ROCK2: variants seen among roughly 807,000 people sequenced by gnomAD.
The protein encoded by ROCK2 is rho-associated protein kinase 2.
A neutral mutation model predicts 195.1 loss-of-function variants in ROCK2; 61 were observed. The ratio of observed to expected loss-of-function variants is 0.31; its 90% confidence interval spans 0.25 to 0.39. The LOEUF is 0.39. ROCK2 is among the 10% of genes least tolerant of loss of function. The probability of loss-of-function intolerance (pLI) is 1.00; values close to 1 mark genes in which losing one functional copy is unlikely to be tolerated. For missense variants in ROCK2, 1,109 were observed against 1,637.4 expected, an observed-to-expected ratio of 0.68 and a Z score of 5.57; for synonymous variants, 504 against 545.5, an observed-to-expected ratio of 0.92 and a Z score of 1.06.
intron 17 of ROCK2, among the ~76,000 whole-genome samples, chr2:11,213,344 G>T (rs1377653119): frequency 1.3e-5 from 2 of 152,056 alleles, no homozygotes; most frequent in African/African-American, 4.8e-5. Flanking sequence ...TCTTAATAGA[G>T]TATTCGCTAT....
At chr2:11,211,951 G>A in intron 17 of ROCK2, 111 bp from the exon 18 acceptor site, 2 of 777,326 alleles carry the variant, frequency 2.6e-6, no homozygotes, top group Non-Finnish European at 3.8e-6. Context: ...TGTTACCCAG[G>A]CTGAAGTGCA....
chr2:11,201,172 G>C lies in ROCK2; in HGVS notation c.2724-29C>G. 6.4e-7 allele frequency: 1 copy of C among 1,574,222 alleles called. No homozygotes were observed. The highest frequency in any genetic ancestry group is 8.6e-7 in the Non-Finnish European group (1 of 1,161,652). On this transcript the variant is annotated intron_variant, in intron 22 of 32. Coordinates refer to ENST00000315872, the MANE Select transcript of ROCK2 (RefSeq NM_004850.5). This position sits in a 1 kb window ranked among gnomAD's most constrained non-coding sequence, Gnocchi z 4.6. ...CATTTTAGCAATATATCATTTTAAT[G>C]GTTCAGTTTTCACTATGAAGTGAAA...
intron 1 of ROCK2, among the ~76,000 whole-genome samples, chr2:11,336,019 T>C (rs560694873): frequency 6.6e-6 from 1 of 152,210 alleles, no homozygotes; most frequent in Non-Finnish European, 1.5e-5. Context: ...AGTTAAGATA[T>C]ATAAACCAAA....
chr2:11,205,414 C>G (rs1293081548), intron 20 of ROCK2, among the ~76,000 whole-genome samples: 1 of 152,174 alleles, frequency 6.6e-6, no homozygotes, highest in African/African-American at 2.4e-5. Flanking sequence ...ACTGCCATCT[C>G]ATTCACTAGA....
upstream of ROCK2, among the ~76,000 whole-genome samples, chr2:11,344,826 C>G (rs1052408951): frequency 1.7e-4 from 26 of 150,950 alleles, no homozygotes; most frequent in African/African-American, 6.3e-4. The surrounding 1 kb of genome is among the most constrained non-coding windows in gnomAD (Gnocchi z 5.4). Flanking sequence ...TCGCCTCCTC[C>G]CCCTGGCGAG....
At position 11,321,762 on chromosome 2, in the gene ROCK2, T is replaced by C. The variant is rs148485296; in HGVS notation, c.141+22234A>G. Among the ~76,000 whole-genome samples, 1,067 of 152,200 alleles carry C rather than the reference T, an allele frequency of 7.0e-3. 12 individuals carry two copies. The highest frequency in any genetic ancestry group is 0.024 in the African/African-American group (1,014 of 41,536). The stretch of plus-strand genomic sequence containing the variant: ...AAGTTTTCATATACATATTCATTCT[T>C]TGAAGCATCTTCAGTCTTACAGCAC... On this transcript the variant is annotated intron_variant, in intron 1 of 32. Transcript: ENST00000315872.
At position 11,285,262 on chromosome 2, in the gene ROCK2, A is replaced by T. The variant is rs1485137705; in HGVS notation, c.324+1277T>A. Among the ~76,000 whole-genome samples the T allele has an allele frequency of 4.2e-4, 12 of 28,914 alleles. No individual in the cohort carries two copies. In the Admixed American group the frequency reaches 4.6e-3, roughly 11 times the overall value. 19.0% of individuals were successfully genotyped at this position (28,914 alleles called of 152,430 possible). Reference sequence around the variant, plus strand: ...GGGCAACAAGAGTGAAACTCTGTCTAAAAAAAAAAAAAAAAAAAAATGTTT... The same window carrying T: ...GGGCAACAAGAGTGAAACTCTGTCTTAAAAAAAAAAAAAAAAAAAATGTTT... On this transcript the variant is annotated intron_variant, in intron 3 of 32. Coordinates refer to ENST00000315872, the MANE Select transcript of ROCK2 (RefSeq NM_004850.5).
At chr2:11,258,055 T>C (rs545080788) in intron 3 of ROCK2, among the ~76,000 whole-genome samples, 3 of 151,488 alleles carry the variant, frequency 2.0e-5, no homozygotes, top group Admixed American at 2.0e-4. Flanking sequence ...GGAGGAACTT[T>C]TTTTTTTAAG....
At chr2:11,319,177 G>C (rs1668323545) in intron 1 of ROCK2, among the ~76,000 whole-genome samples, 1 of 152,034 alleles carries the variant, frequency 6.6e-6, no homozygotes, top group African/African-American at 2.4e-5. Flanking sequence ...GGCATTGAAT[G>C]TATAAATTAC....
intron 1 of ROCK2, among the ~76,000 whole-genome samples, chr2:11,335,096 C>A (rs1668884477): frequency 7.1e-6 from 1 of 141,774 alleles, no homozygotes; most frequent in Non-Finnish European, 1.5e-5. Context: ...CCAAATAGTT[C>A]CCTTTGACTG....
intron 17 of ROCK2, among the ~76,000 whole-genome samples, chr2:11,212,536 G>A (rs184795258): frequency 2.6e-5 from 4 of 151,990 alleles, no homozygotes; most frequent in Admixed American, 6.6e-5. Flanking sequence ...CATCCTTTCT[G>A]TTGCTCCTGA....
chr2:11,243,091 G>A (rs1665485836), intron 4 of ROCK2, among the ~76,000 whole-genome samples: 1 of 152,114 alleles, frequency 6.6e-6, no homozygotes, highest in Admixed American at 6.5e-5. Context: ...CCTAGTGGGG[G>A]ATATAACAGC....
intron 3 of ROCK2, among the ~76,000 whole-genome samples, chr2:11,278,572 T>C (rs1213875303): frequency 6.6e-6 from 1 of 152,200 alleles, no homozygotes; most frequent in African/African-American, 2.4e-5. Context: ...CCTTTAGATA[T>C]ATACCTACTA....
chr2:11,338,947 A>G (rs1483972746), intron 1 of ROCK2, among the ~76,000 whole-genome samples: 2 of 152,090 alleles, frequency 1.3e-5, no homozygotes, highest in African/African-American at 4.8e-5. Context: ...GACTGCCTCT[A>G]ATAGAAGAAA....
intron 1 of ROCK2, among the ~76,000 whole-genome samples, chr2:11,321,621 G>C (rs1336076319): frequency 1.3e-5 from 2 of 151,948 alleles, no homozygotes; most frequent in African/African-American, 4.8e-5. Flanking sequence ...AACAAAAGCA[G>C]TCAATCTATC....
chr2:11,201,195 A>G lies in ROCK2; in HGVS notation c.2724-52T>C, dbSNP rs1572234637. On this transcript the variant is annotated intron_variant, in intron 22 of 32. Transcript: ENST00000315872. This position sits in a 1 kb window ranked among gnomAD's most constrained non-coding sequence, Gnocchi z 4.6. Reference sequence around the variant, plus strand: ...ATGGTTCAGTTTTCACTATGAAGTGAAAGTTTTTGTCTAATTCACTTCATC... The same window carrying G: ...ATGGTTCAGTTTTCACTATGAAGTGGAAGTTTTTGTCTAATTCACTTCATC... 4 of 1,560,708 alleles carry G rather than the reference A, an allele frequency of 2.6e-6. No individual in the cohort carries two copies. The highest frequency in any genetic ancestry group is 3.5e-6 in the Non-Finnish European group (4 of 1,151,638).
At chr2:11,291,892 A>G (rs1667373519) in intron 1 of ROCK2, among the ~76,000 whole-genome samples, 1 of 152,194 alleles carries the variant, frequency 6.6e-6, no homozygotes, top group Non-Finnish European at 1.5e-5. Context: ...ACTAAAAAGG[A>G]ACAACCATTT....
intron 1 of ROCK2, among the ~76,000 whole-genome samples, chr2:11,327,989 A>G (rs1466352254): frequency 6.6e-6 from 1 of 152,224 alleles, no homozygotes; most frequent in Non-Finnish European, 1.5e-5. Context: ...CCAGGTACAC[A>G]CAAGGGCAAA....
At chr2:11,268,558 C>G (rs867856224) in intron 3 of ROCK2, among the ~76,000 whole-genome samples, 80 of 79,648 alleles carry the variant, frequency 1.0e-3, no homozygotes, top group African/African-American at 2.2e-3. Context: ...GTGTGTGTGT[C>G]TCTGCATTCA....
Sources: gnomAD v4.1 joint callset for allele counts (sites outside exome capture counted in the v4.1 genomes callset) on GRCh38, gnomAD v4.1.1 for gene constraint, Gnocchi (gnomAD v3.1) non-coding constraint, MANE v1.5 for transcripts, NCBI Gene and HGNC (gene_info 2026-07-23, HGNC 2026-07-21) for gene names.